The following NEDD9 variants were observed in gnomAD, a reference collection of about 807,000 sequenced individuals.
NEDD9 encodes the protein enhancer of filamentation 1.
A neutral mutation model predicts 76.6 loss-of-function variants in NEDD9; 26 were observed. The observed-to-expected ratio is 0.34, with a 90% CI of 0.25 to 0.47. NEDD9 has a LOEUF of 0.47. Ranked by LOEUF, NEDD9 falls within the 20% of genes least tolerant of loss-of-function variation. The pLI, the probability that NEDD9 is intolerant of heterozygous loss-of-function variation, is 1.00. For missense variants in NEDD9, 937 were observed against 1,058.5 expected (o/e 0.89, Z 1.59); for synonymous variants, 392 against 414.2 (o/e 0.95, Z 0.65).
At chr6:11,362,248 C>A (rs1034788511) in intron 1 of NEDD9, among the ~76,000 whole-genome samples, 1 of 152,200 alleles carries the variant, frequency 6.6e-6, no homozygotes, top group Non-Finnish European at 1.5e-5. Flanking sequence ...AGGGCCTCAA[C>A]AGGCACCCTA....
In NEDD9 at chr6:11,379,899, C is replaced by T. The variant is rs78062149; in HGVS notation, c.-214+2240G>A. ...TATGTATCTTGTGCTATATAAAATT[C>T]TCCTATTTGTGTTCCACACTTCAGA... is the stretch of plus-strand genomic sequence containing the variant. On this transcript the variant is annotated intron_variant, in intron 1 of 3. Coordinates refer to the NEDD9 transcript ENST00000397378. Among the ~76,000 whole-genome samples the T allele has an allele frequency of 2.8e-3, 424 of 152,312 alleles. 2 individuals are homozygous for T. Among genetic ancestry groups the T allele is most frequent in the African/African-American group, 9.5e-3 (396 of 41,564 alleles).
At chr6:11,238,128 C>T (rs1044109849) in intron 3 of NEDD9, among the ~76,000 whole-genome samples, 4 of 152,182 alleles carry the variant, frequency 2.6e-5, no homozygotes, top group African/African-American at 7.2e-5. Context: ...CGAAACCCTC[C>T]GAGGTGCCAG....
chr6:11,318,089 C>T (rs931388410), intron 2 of NEDD9, among the ~76,000 whole-genome samples: 3 of 152,146 alleles, frequency 2.0e-5, no homozygotes, highest in Non-Finnish European at 4.4e-5. Flanking sequence ...GGGTCTCAAA[C>T]CTGCTGGCCT....
chr6:11,348,324 A>G (rs1762402055), intron 1 of NEDD9, among the ~76,000 whole-genome samples: 1 of 152,270 alleles, frequency 6.6e-6, no homozygotes, highest in Non-Finnish European at 1.5e-5. Flanking sequence ...ATAGATAGAA[A>G]GAATCAACAT....
upstream of NEDD9, among the ~76,000 whole-genome samples, chr6:11,232,871 C>T (rs1393061380): frequency 6.6e-6 from 1 of 152,180 alleles, no homozygotes; most frequent in African/African-American, 2.4e-5. Context: ...CGTCCTGAAC[C>T]TTACTCTGTC....
Position 11,183,342 on chromosome 6 carries a change from C to G in NEDD9, c.*1820G>C, listed in dbSNP as rs1757897367. ...AAATTTAATGATTTAAAAATAGCCT[C>G]TACATACAAGACGGCAAAGAGTAAT... On this transcript the variant is annotated 3_prime_UTR_variant, in exon 7 of 7. Transcript: ENST00000379446. 2 of 152,128 alleles carry G rather than the reference C, an allele frequency of 1.3e-5. No homozygotes were observed. The highest frequency in any genetic ancestry group is 4.8e-5 in the African/African-American group (2 of 41,404). The allele number at this position is 152,128 out of a possible 1,614,324, so 9.4% of individuals were successfully genotyped here.
chr6:11,223,527 T>C (rs7767871), intron 1 of NEDD9, among the ~76,000 whole-genome samples: 146,009 of 151,858 alleles, frequency 0.96, 70,247 homozygotes, highest in East Asian at 1. Flanking sequence ...GAAATGATCT[T>C]ATCATGATTA....
At chr6:11,247,814 G>A (rs1759838141) in intron 3 of NEDD9, among the ~76,000 whole-genome samples, 2 of 152,178 alleles carry the variant, frequency 1.3e-5, no homozygotes, top group Admixed American at 1.3e-4. Flanking sequence ...GGAACATGGA[G>A]TGATAACAGC....
chr6:11,336,918 C>T (rs1325320646), intron 1 of NEDD9, among the ~76,000 whole-genome samples: 1 of 152,126 alleles, frequency 6.6e-6, no homozygotes, highest in African/African-American at 2.4e-5. Context: ...AGGGACCTGC[C>T]ATCTCCTAGA....
At position 11,191,102 on chromosome 6, in the gene NEDD9, C is replaced by G; in HGVS notation, c.767G>C (p.Arg256Thr). Residue 256 changes from arginine (R) to threonine (T), a missense_variant, in exon 5 of 7, where the codon AGA becomes ACA. Arg to Thr is a moderately conservative substitution (Grantham distance 71). Transcript: ENST00000379446. ...PMRQAGRPDLRPEGVYDIPPT... is the reference protein window; with the variant it reads ...PMRQAGRPDLTPEGVYDIPPT... The stretch of plus-strand genomic sequence containing the variant: ...AGGAATGTCATAAACCCCCTCCGGT[C>G]TGAGGTCCGGCCTTCCAGCTTGTCT... The G allele has an allele frequency of 1.2e-6, 2 of 1,614,020 alleles. No homozygotes were observed. Among genetic ancestry groups the G allele is most frequent in the Non-Finnish European group, 1.7e-6 (2 of 1,180,030 alleles).
intron 2 of NEDD9, among the ~76,000 whole-genome samples, chr6:11,320,842 C>T (rs1761780012): frequency 6.6e-6 from 1 of 151,866 alleles, no homozygotes; most frequent in Non-Finnish European, 1.5e-5. Context: ...TTCAAATGTG[C>T]TTTCATATAT....
chr6:11,185,679 G>A lies in NEDD9; in HGVS notation c.1996-8C>T. The A allele has an allele frequency of 6.2e-7, 1 of 1,613,860 alleles. No homozygotes were observed. The highest frequency in any genetic ancestry group is 8.5e-7 in the Non-Finnish European group (1 of 1,179,918). The stretch of plus-strand genomic sequence containing the variant: ...CAGCTGGAACTGGCTCAGCTGCAAG[G>A]AAGACGAAAGCAGATCTCATTAGAG... On this transcript the variant is annotated splice_region_variant and splice_polypyrimidine_tract_variant and intron_variant, in intron 6 of 6. Coordinates refer to ENST00000379446, the MANE Select transcript of NEDD9 (RefSeq NM_006403.4).
At chr6:11,355,887 A>C (rs1762560516) in intron 1 of NEDD9, among the ~76,000 whole-genome samples, 1 of 150,844 alleles carries the variant, frequency 6.6e-6, no homozygotes, top group Non-Finnish European at 1.5e-5. Context: ...CGCCCGGCTA[A>C]TTTTTTGTAT....
chr6:11,293,636 G>C (rs1002994837), intron 3 of NEDD9, among the ~76,000 whole-genome samples: 1 of 152,026 alleles, frequency 6.6e-6, no homozygotes. Context: ...GTGTGTGTGC[G>C]TGTTGAGAAT....
intron 3 of NEDD9, among the ~76,000 whole-genome samples, chr6:11,253,390 G>A (rs76122808): frequency 0.023 from 3,445 of 152,200 alleles, 70 homozygotes; most frequent in East Asian, 0.12. Flanking sequence ...AAATTTGATC[G>A]GGGATATGTC....
At chr6:11,261,175 A>G (rs1760103885) in intron 3 of NEDD9, among the ~76,000 whole-genome samples, 1 of 152,182 alleles carries the variant, frequency 6.6e-6, no homozygotes, top group African/African-American at 2.4e-5. Context: ...AATAATAACG[A>G]TAATGATGAA....
At position 11,341,289 on chromosome 6, in the gene NEDD9, C is replaced by T. The variant is rs140990479; in HGVS notation, c.-213-6728G>A. 2.5e-3 allele frequency among the ~76,000 whole-genome samples: 387 copies of T among 152,272 alleles called. 2 individuals carry two copies. The highest frequency in any genetic ancestry group is 8.8e-3 in the African/African-American group (365 of 41,538). ...AGTGTGAGGTGAGCCCCACAGTAGTCCAGCTGTCTGCCTGGAGACTTGAGT... is the reference window on the plus strand; with the variant it reads ...AGTGTGAGGTGAGCCCCACAGTAGTTCAGCTGTCTGCCTGGAGACTTGAGT... On this transcript the variant is annotated intron_variant, in intron 1 of 3. Transcript: ENST00000397378.
chr6:11,298,627 TA>T (rs1760961008), intron 3 of NEDD9, among the ~76,000 whole-genome samples: 1 of 152,210 alleles, frequency 6.6e-6, no homozygotes, highest in Non-Finnish European at 1.5e-5. Flanking sequence ...TGAGTAGGTA[TA>T]AAAAATGAGA....
chr6:11,254,084 T>A lies in NEDD9; in HGVS notation c.13-40357A>T, dbSNP rs1452487609. On this transcript the variant is annotated intron_variant, in intron 3 of 3. Transcript: ENST00000397378. ...ATGCCATGAAATATTTGGGTTATAT[T>A]TGTGCAAAAATGTATTTGTTGTTTA... Among the ~76,000 whole-genome samples the A allele has an allele frequency of 2.6e-5, 4 of 152,290 alleles. No individual in the cohort carries two copies. In the East Asian group the frequency reaches 7.7e-4, roughly 29 times the overall value.
Sources: gnomAD v4.1 joint callset for allele counts (sites outside exome capture counted in the v4.1 genomes callset) on GRCh38, gnomAD v4.1.1 for gene constraint, MANE v1.5 for transcripts, NCBI Gene and HGNC (gene_info 2026-07-23, HGNC 2026-07-21) for gene names.